Variants in CNTNAP2 observed in about 807,000 individuals in gnomAD.
CNTNAP2 encodes the protein contactin associated protein 2.
Under a neutral mutation model 155.2 loss-of-function variants are expected in CNTNAP2, and 98 were observed. The observed-to-expected ratio is 0.63, with a 90% confidence interval of 0.54 to 0.75. CNTNAP2 has a LOEUF of 0.75. Among genes scored for constraint, CNTNAP2 ranks in the 30% least tolerant of loss-of-function variants. The probability of loss-of-function intolerance (pLI) is 0.00; values close to 1 mark genes in which losing one functional copy is unlikely to be tolerated. For missense variants in CNTNAP2, 1,727 were observed against 1,688.1 expected (o/e 1.02, Z -0.40); for synonymous variants, 651 against 631.2 (o/e 1.03, Z -0.47).
In CNTNAP2 at chr7:146,249,156, C is replaced by T. The variant is rs376102628; in HGVS notation, c.97+132183C>T. Among the ~76,000 whole-genome samples the T allele has an allele frequency of 7.3e-3, 1,117 of 152,080 alleles. 16 individuals carry two copies. The highest frequency in any genetic ancestry group is 0.025 in the African/African-American group (1,017 of 41,454). ...GAATGTCATCAGTTAAGGCAGGAAC[C>T]GGCCATCTGGATGTGTACGTGCAGG... On this transcript the variant is annotated intron_variant, in intron 1 of 23. Coordinates refer to ENST00000361727, the MANE Select transcript of CNTNAP2 (RefSeq NM_014141.6).
At chr7:146,364,041 G>A (rs758492267) in intron 1 of CNTNAP2, among the ~76,000 whole-genome samples, 9 of 152,138 alleles carry the variant, frequency 5.9e-5, no homozygotes, top group Non-Finnish European at 1.2e-4. Context: ...ATAAAGGATG[G>A]AAAAGGGCGA....
intron 13 of CNTNAP2, among the ~76,000 whole-genome samples, chr7:147,723,169 G>GA (rs140730780): frequency 0.094 from 14,028 of 149,316 alleles, 714 homozygotes; most frequent in Middle Eastern, 0.17. Flanking sequence ...TCTACTCCAT[G>GA]AAAAAAAAAA....
chr7:147,062,009 T>C (rs925830717), intron 4 of CNTNAP2, among the ~76,000 whole-genome samples: 13 of 151,212 alleles, frequency 8.6e-5, no homozygotes, highest in African/African-American at 2.7e-4. Flanking sequence ...GCGCCTGTAG[T>C]CCCAGCTACT....
intron 15 of CNTNAP2, among the ~76,000 whole-genome samples, chr7:148,067,499 G>C (rs560311666): frequency 2.2e-4 from 34 of 152,250 alleles, no homozygotes; most frequent in Non-Finnish European, 4.8e-4. Flanking sequence ...CTCTGGTCGA[G>C]GTAGTAGGGA....
At chr7:146,356,984 C>A (rs954651193) in intron 1 of CNTNAP2, among the ~76,000 whole-genome samples, 50 of 152,134 alleles carry the variant, frequency 3.3e-4, no homozygotes, top group African/African-American at 1.2e-3. Flanking sequence ...TCAAGCACAG[C>A]TTCCTTTCTG....
intron 10 of CNTNAP2, among the ~76,000 whole-genome samples, chr7:147,414,886 G>A (rs1392490535): frequency 7.1e-6 from 1 of 141,652 alleles, no homozygotes; most frequent in Non-Finnish European, 1.5e-5. Flanking sequence ...AGCCTGCAGT[G>A]AGCCGAGATC....
intron 12 of CNTNAP2, among the ~76,000 whole-genome samples, chr7:147,567,239 T>A (rs2116800189): frequency 6.6e-6 from 1 of 152,260 alleles, no homozygotes; most frequent in African/African-American, 2.4e-5. Flanking sequence ...AACGGCTGAC[T>A]CATGAGCTGA....
chr7:146,587,378 A>G (rs1419457453), intron 1 of CNTNAP2, among the ~76,000 whole-genome samples: 2 of 152,168 alleles, frequency 1.3e-5, no homozygotes, highest in Non-Finnish European at 2.9e-5. Context: ...TAATCCTGAT[A>G]GCTCAGTGAG....
chr7:146,380,125 T>C (rs746621310), intron 1 of CNTNAP2, among the ~76,000 whole-genome samples: 2 of 152,184 alleles, frequency 1.3e-5, no homozygotes. Flanking sequence ...TAAAAAATAT[T>C]AATTTTCTGC....
chr7:146,777,905 T>A (rs1802418333), intron 2 of CNTNAP2, among the ~76,000 whole-genome samples: 1 of 63,718 alleles, frequency 1.6e-5, no homozygotes, highest in African/African-American at 1.1e-4. Flanking sequence ...GAAAAGAGAT[T>A]TTTTTTTTTA....
At chr7:147,268,519 G>A (rs1308253662) in intron 8 of CNTNAP2, among the ~76,000 whole-genome samples, 2 of 152,118 alleles carry the variant, frequency 1.3e-5, no homozygotes, top group East Asian at 1.9e-4. Flanking sequence ...TGCAGGGTGT[G>A]GGGTAGGGGA....
chr7:147,890,160 C>A (rs920141822), intron 13 of CNTNAP2, among the ~76,000 whole-genome samples: 7 of 152,100 alleles, frequency 4.6e-5, no homozygotes, highest in Non-Finnish European at 1.0e-4. Context: ...CCAGCCTGAC[C>A]AATGTGGTGA....
chr7:147,423,786 C>T (rs759717613), intron 10 of CNTNAP2, among the ~76,000 whole-genome samples: 9 of 152,156 alleles, frequency 5.9e-5, no homozygotes, highest in African/African-American at 9.7e-5. Flanking sequence ...TTGTGCTTCT[C>T]ATTTCCTGCA....
At chr7:147,071,212 A>G (rs371138138) in intron 4 of CNTNAP2, among the ~76,000 whole-genome samples, 1 of 152,050 alleles carries the variant, frequency 6.6e-6, no homozygotes, top group South Asian at 2.1e-4. Flanking sequence ...TTTTCTCCAT[A>G]ACAGAAATTT....
At chr7:146,868,394 T>C (rs1585129741) in intron 3 of CNTNAP2, among the ~76,000 whole-genome samples, 1 of 152,146 alleles carries the variant, frequency 6.6e-6, no homozygotes, top group South Asian at 2.1e-4. Context: ...TTGTGTACCA[T>C]TACCATGCTG....
chr7:146,404,896 A>G (rs910942019), intron 1 of CNTNAP2, among the ~76,000 whole-genome samples: 1 of 152,140 alleles, frequency 6.6e-6, no homozygotes, highest in Non-Finnish European at 1.5e-5. Flanking sequence ...GTTCCACATT[A>G]GTTCCGGTCT....
intron 8 of CNTNAP2, among the ~76,000 whole-genome samples, chr7:147,200,928 T>C (rs1375688303): frequency 2.0e-5 from 3 of 152,196 alleles, no homozygotes; most frequent in Admixed American, 1.3e-4. Context: ...GGTTGAGATG[T>C]GTATGTAATT....
At position 148,053,569 on chromosome 7, in the gene CNTNAP2, AT is replaced by A. The variant is rs1232241140; in HGVS notation, c.2384-64544del. On this transcript the variant is annotated intron_variant, in intron 15 of 23. Transcript: ENST00000361727. ...GTGAAAACTTACGCTCATTATCTAG[AT>A]TTTTGTTTGTAGTACGATAAATATT... Among the ~76,000 whole-genome samples, 19 of 152,308 alleles carry A rather than the reference AT, an allele frequency of 1.2e-4. No homozygotes were observed. In the East Asian group the frequency reaches 3.3e-3, roughly 26 times the overall value.
intron 15 of CNTNAP2, among the ~76,000 whole-genome samples, chr7:148,049,658 C>A (rs1454357072): frequency 6.6e-6 from 1 of 152,132 alleles, no homozygotes; most frequent in East Asian, 1.9e-4. Flanking sequence ...TGTTAAGGTC[C>A]TATCACAACA....
Sources: gnomAD v4.1 joint callset for allele counts (sites outside exome capture counted in the v4.1 genomes callset) on GRCh38, gnomAD v4.1.1 for gene constraint, MANE v1.5 for transcripts, NCBI Gene and HGNC (gene_info 2026-07-23, HGNC 2026-07-21) for gene names.